The following TMCC1 variants were observed in gnomAD, a reference collection of about 807,000 sequenced individuals.
TMCC1 encodes the protein transmembrane and coiled-coil domain family 1.
A neutral mutation model predicts 52.4 loss-of-function variants in TMCC1; 15 were observed. The ratio of observed to expected loss-of-function variants is 0.29; its 90% CI spans 0.19 to 0.44. TMCC1 has a LOEUF of 0.44. TMCC1 is among the 20% of genes least tolerant of loss of function. The pLI is 1.00. For synonymous variants in TMCC1, 279 were observed against 301.9 expected, an observed-to-expected ratio of 0.92 and a Z score of 0.79; for missense variants, 503 against 806.0, an observed-to-expected ratio of 0.62 and a Z score of 4.55.
chr3:129,813,923 T>C (rs2057965918), intron 4 of TMCC1, among the ~76,000 whole-genome samples: 1 of 152,166 alleles, frequency 6.6e-6, no homozygotes, highest in Non-Finnish European at 1.5e-5. Context: ...CTAAGTCATC[T>C]GTGATAATAA....
chr3:129,812,893 G>C (rs1382723449), intron 4 of TMCC1, among the ~76,000 whole-genome samples: 1 of 152,004 alleles, frequency 6.6e-6, no homozygotes, highest in Non-Finnish European at 1.5e-5. Context: ...CCTACAGAAG[G>C]GGAGAAAATA....
In TMCC1 at chr3:129,886,021, G is replaced by A. The variant is rs1290213964; in HGVS notation, c.-434-5462C>T. ...CTCCCAAAGTGCTGGGATTACAGGCGTGAGCCACTGTGCCCGGCTTGAATA... is the reference window on the plus strand; with the variant it reads ...CTCCCAAAGTGCTGGGATTACAGGCATGAGCCACTGTGCCCGGCTTGAATA... On this transcript the variant is annotated intron_variant, in intron 1 of 6. Coordinates refer to ENST00000393238, the MANE Select transcript of TMCC1 (RefSeq NM_001017395.5). Among the ~76,000 whole-genome samples the A allele has an allele frequency of 3.9e-5, 6 of 152,156 alleles. No individual in the cohort carries two copies. In the South Asian group the frequency reaches 6.2e-4, roughly 16 times the overall value.
At chr3:129,801,810 T>G (rs1162357150) in intron 4 of TMCC1, among the ~76,000 whole-genome samples, 2 of 152,220 alleles carry the variant, frequency 1.3e-5, no homozygotes, top group Non-Finnish European at 2.9e-5. Context: ...AGATTCGGCC[T>G]AAATTCATTT....
chr3:129,782,912 T>G (rs2055652618), intron 4 of TMCC1, among the ~76,000 whole-genome samples: 1 of 152,348 alleles, frequency 6.6e-6, no homozygotes, highest in South Asian at 2.1e-4. Flanking sequence ...AAATATTGTT[T>G]AAACACTCAG....
chr3:129,659,086 C>A (rs947727924), intron 5 of TMCC1, among the ~76,000 whole-genome samples: 2 of 143,764 alleles, frequency 1.4e-5, no homozygotes, highest in Admixed American at 7.0e-5. Context: ...TTTCCTTTTT[C>A]TTTCTTTCTT....
chr3:129,741,253 A>G (rs2051431652), intron 4 of TMCC1, among the ~76,000 whole-genome samples: 1 of 152,160 alleles, frequency 6.6e-6, no homozygotes, highest in Non-Finnish European at 1.5e-5. Context: ...CCCTTACATA[A>G]TTGTTTTGAA....
chr3:129,774,579 A>T, intron 4 of TMCC1, among the ~76,000 whole-genome samples: 1 of 152,196 alleles, frequency 6.6e-6, no homozygotes, highest in Non-Finnish European at 1.5e-5. Flanking sequence ...ACAGGGTACT[A>T]AGAGAATACA....
chr3:129,856,575 G>A (rs192711698), intron 2 of TMCC1, among the ~76,000 whole-genome samples: 4 of 152,248 alleles, frequency 2.6e-5, no homozygotes, highest in Non-Finnish European at 4.4e-5. Flanking sequence ...AAACATGTAT[G>A]AGCAACGAAA....
intron 4 of TMCC1, among the ~76,000 whole-genome samples, chr3:129,695,133 TTAA>T (rs2047318559): frequency 6.2e-5 from 2 of 32,246 alleles, no homozygotes; most frequent in Non-Finnish European, 1.9e-4. Context: ...AAAATCATAA[TTAA>T]TAATAACCTT....
intron 4 of TMCC1, among the ~76,000 whole-genome samples, chr3:129,746,965 G>C (rs1186751574): frequency 6.6e-6 from 1 of 152,102 alleles, no homozygotes; most frequent in African/African-American, 2.4e-5. Flanking sequence ...CAGCACAACA[G>C]GATAATAATT....
At chr3:129,752,765 G>A (rs1209823998) in intron 4 of TMCC1, among the ~76,000 whole-genome samples, 2 of 152,090 alleles carry the variant, frequency 1.3e-5, no homozygotes, top group East Asian at 3.9e-4. Flanking sequence ...ACCTGTATTA[G>A]CCCGTTCTCA....
At chr3:129,861,794 G>C (rs181045407) in intron 2 of TMCC1, among the ~76,000 whole-genome samples, 112 of 152,244 alleles carry the variant, frequency 7.4e-4, no homozygotes, top group African/African-American at 2.6e-3. Flanking sequence ...GTTTGTTTTT[G>C]GAAAACAGCC....
rs1241984813 is a variant in TMCC1, at chr3:129,650,603, C to T, written c.*878G>A. ...TTTCAAAGGAAAAATAAAAGACCCT[C>T]CCAACCCTGTCCAAAAAAACCCAAT... On this transcript the variant is annotated 3_prime_UTR_variant, in exon 7 of 7. Coordinates refer to ENST00000393238, the MANE Select transcript of TMCC1 (RefSeq NM_001017395.5). The T allele has an allele frequency of 6.6e-6, 1 of 152,516 alleles. No homozygotes were observed. The highest frequency in any genetic ancestry group is 1.5e-5 in the Non-Finnish European group (1 of 68,034). 9.4% of individuals were successfully genotyped at this position (152,516 alleles called of 1,614,324 possible).
intron 2 of TMCC1, chr3:129,857,314 G>A (rs2060185903): frequency 6.6e-6 from 1 of 152,242 alleles, no homozygotes. Context: ...ACAGCCCAGT[G>A]GCAGCAGACT....
chr3:129,843,170 C>A (rs1354047495), intron 2 of TMCC1, among the ~76,000 whole-genome samples: 1 of 151,976 alleles, frequency 6.6e-6, no homozygotes. Flanking sequence ...CACAGTGAAA[C>A]CCCATTTGTA....
chr3:129,825,136 G>A (rs1008601869), intron 4 of TMCC1, among the ~76,000 whole-genome samples: 1 of 152,132 alleles, frequency 6.6e-6, no homozygotes, highest in African/African-American at 2.4e-5. Context: ...GCACCACCTG[G>A]TGGTCAACAA....
intron 2 of TMCC1, among the ~76,000 whole-genome samples, chr3:129,862,811 C>G (rs558858118): frequency 6.6e-6 from 1 of 152,172 alleles, no homozygotes; most frequent in Non-Finnish European, 1.5e-5. Flanking sequence ...GAAATGTCTA[C>G]GTGGAAAAAT....
At chr3:129,744,411 C>T (rs1471019306) in intron 4 of TMCC1, among the ~76,000 whole-genome samples, 5 of 151,400 alleles carry the variant, frequency 3.3e-5, no homozygotes, top group African/African-American at 7.3e-5. Context: ...ACTCAGCGTC[C>T]GAAAGCACTG....
intron 2 of TMCC1, 127 bp downstream of exon 2, chr3:129,880,182 T>C (rs1008027270): frequency 6.6e-5 from 10 of 151,408 alleles, no homozygotes; most frequent in Non-Finnish European, 1.5e-5. Context: ...AAAGAGAAAA[T>C]GGGAGAAAGG....
Sources: allele counts gnomAD v4.1 joint callset (sites outside exome capture counted in the v4.1 genomes callset), GRCh38; gene constraint gnomAD v4.1.1; transcripts MANE v1.5; gene names NCBI Gene and HGNC (gene_info 2026-07-23, HGNC 2026-07-21).